The following ZNF841 variants were observed in gnomAD, a reference collection of about 807,000 sequenced individuals.
ZNF841 encodes zinc finger protein 841, also known as TCONS_00006091.
Under a neutral mutation model 13.0 loss-of-function variants are expected in ZNF841, and 11 were observed. The observed-to-expected ratio is 0.85, with a 90% CI of 0.53 to 1.40. The LOEUF (loss-of-function observed/expected upper bound fraction) is 1.40, where lower values mean the gene tolerates loss of function less well. Ranked by LOEUF, ZNF841 falls within the 40% of genes most tolerant of loss-of-function variation. ZNF841 has a pLI of 0.00. For missense variants in ZNF841, 1,068 were observed against 1,139.5 expected, an observed-to-expected ratio of 0.94 and a Z score of 0.90; for synonymous variants, 369 against 381.6, an observed-to-expected ratio of 0.97 and a Z score of 0.38.
chr19:52,082,868 C>A (rs2088143961), intron 4 of ZNF841, among the ~76,000 whole-genome samples: 1 of 152,088 alleles, frequency 6.6e-6, no homozygotes, highest in African/African-American at 2.4e-5. Flanking sequence ...ATCACTAGGT[C>A]AGGAGATCGA....
intron 2 of ZNF841, among the ~76,000 whole-genome samples, chr19:52,091,879 G>A (rs980141319): frequency 6.6e-6 from 1 of 152,196 alleles, no homozygotes; most frequent in African/African-American, 2.4e-5. Context: ...GCCAGGCGCA[G>A]TGGCTCATGC....
At chr19:52,059,273 C>T in the ZNF841 span, among the ~76,000 whole-genome samples, 2 of 146,260 alleles carry the variant, frequency 1.4e-5, no homozygotes, top group African/African-American at 5.1e-5. Context: ...TGGCAAGAAC[C>T]CGAGAGGTGG....
chr19:52,059,370 A>AAAAAAT, the ZNF841 span, among the ~76,000 whole-genome samples: 8 of 69,638 alleles, frequency 1.1e-4, no homozygotes, highest in African/African-American at 6.6e-4. Context: ...AAAAAAAAAA[A>AAAAAAT]ATATATATAT....
In ZNF841 at chr19:52,066,487, G is replaced by GC; in HGVS notation, c.1394_1395insG (p.Phe466LeufsTer23). Reference sequence around the variant, plus strand: ...CTGCAAGACGTGAACGTTGAAAGAAGACCTTGCCACATTCATTACATTTGT... The same window carrying GC: ...CTGCAAGACGTGAACGTTGAAAGAAGCACCTTGCCACATTCATTACATTTGT... On this transcript the variant is annotated frameshift_variant, in exon 7 of 7. Transcript: ENST00000594440. LOFTEE classifies it low-confidence loss of function (END_TRUNC). 6.2e-7 allele frequency: 1 copy of GC among 1,614,018 alleles called. No homozygotes were observed. The highest frequency in any genetic ancestry group is 8.5e-7 in the Non-Finnish European group (1 of 1,179,960).
chr19:52,093,726 T>C (rs1289344258), intron 2 of ZNF841, 120 bp downstream of exon 2: 3 of 152,144 alleles, frequency 2.0e-5, no homozygotes, highest in Non-Finnish European at 2.9e-5. Flanking sequence ...AAAGAAGCAA[T>C]TGAATAAAAT....
chr19:52,067,390 A>G lies in ZNF841; in HGVS notation c.492T>C (p.Thr164=), dbSNP rs1259784895. 1.3e-6 allele frequency: 2 copies of G among 1,546,280 alleles called. No homozygotes were observed. The highest frequency in any genetic ancestry group is 1.2e-5 in the South Asian group (1 of 82,682). Residue 164 remains threonine, a synonymous_variant, in exon 7 of 7, where the codon ACT becomes ACC. Transcript: ENST00000594440. ...CTTGACTATGTCGAACTCTTTGACC[A>G]GTAAGATTGTTTTTATGGGTCATCG... ...EGPMTHKNNL[T]GQRVRHSQGD... is the part of the protein sequence containing the mutation.
Position 52,093,594 on chromosome 19 carries a change from A to G in ZNF841, c.-144+252T>C, listed in dbSNP as rs1157383890. 2.0e-5 allele frequency among the ~76,000 whole-genome samples: 3 copies of G among 152,210 alleles called. No individual in the cohort carries two copies. The East Asian group carries it at 5.8e-4, about 29-fold the overall frequency. On this transcript the variant is annotated intron_variant, in intron 2 of 6. Coordinates refer to ENST00000594440, the MANE Select transcript of ZNF841 (RefSeq NM_001136499.2). Reference sequence around the variant, plus strand: ...CTTTAACAGTTTGGAAAGTTTTTGAAAAATCTAATAAATTATGGGGTAAAA... The same window carrying G: ...CTTTAACAGTTTGGAAAGTTTTTGAGAAATCTAATAAATTATGGGGTAAAA...
At chr19:52,077,536 GATT>G (rs1308131426) in intron 4 of ZNF841, among the ~76,000 whole-genome samples, 2 of 152,156 alleles carry the variant, frequency 1.3e-5, no homozygotes, top group African/African-American at 2.4e-5. Flanking sequence ...TACTTCAAAG[GATT>G]TACGTGTTCT....
downstream of ZNF841, among the ~76,000 whole-genome samples, chr19:52,060,897 C>T (rs866363134): frequency 1.3e-5 from 2 of 152,076 alleles, no homozygotes; most frequent in African/African-American, 2.4e-5. Context: ...TCAGAGGGTC[C>T]GGGCATGTGG....
At chr19:52,087,484 G>A (rs575989833) in intron 3 of ZNF841, among the ~76,000 whole-genome samples, 117 of 152,084 alleles carry the variant, frequency 7.7e-4, no homozygotes, top group African/African-American at 2.7e-3. Flanking sequence ...TTCTGTTCCC[G>A]TGTTAGTTTG....
intron 1 of ZNF841, among the ~76,000 whole-genome samples, chr19:52,095,351 C>A (rs1302937949): frequency 6.6e-6 from 1 of 152,082 alleles, no homozygotes; most frequent in Non-Finnish European, 1.5e-5. Flanking sequence ...GGACAGTGGG[C>A]GCTCCCCTCC....
intron 2 of ZNF841, among the ~76,000 whole-genome samples, chr19:52,089,711 A>C (rs1325477051): frequency 1.3e-5 from 2 of 152,190 alleles, no homozygotes; most frequent in Non-Finnish European, 2.9e-5. Context: ...TGCTTCTGCC[A>C]GACCTAAGAA....
intron 3 of ZNF841, among the ~76,000 whole-genome samples, chr19:52,087,561 G>T (rs754335509): frequency 1.6e-4 from 25 of 152,058 alleles, no homozygotes; most frequent in Non-Finnish European, 2.6e-4. Context: ...GTTTTTTATG[G>T]GAAGGCTGTT....
intron 3 of ZNF841, among the ~76,000 whole-genome samples, chr19:52,086,634 G>A (rs1301426912): frequency 3.3e-5 from 5 of 152,254 alleles, no homozygotes; most frequent in East Asian, 1.9e-4. Flanking sequence ...GAAAGACAGT[G>A]GGTGTGGACA....
intron 4 of ZNF841, among the ~76,000 whole-genome samples, chr19:52,080,671 C>G (rs921715791): frequency 1.3e-5 from 2 of 152,166 alleles, no homozygotes; most frequent in African/African-American, 4.8e-5. Context: ...AAGTGCATAT[C>G]TAGTACTACA....
chr19:52,085,206 T>C (rs561928583), intron 3 of ZNF841, among the ~76,000 whole-genome samples: 1 of 152,114 alleles, frequency 6.6e-6, no homozygotes, highest in South Asian at 2.1e-4. Context: ...CAGGCTGAGC[T>C]CAGCTCTCAG....
chr19:52,086,417 G>T (rs572366233), intron 3 of ZNF841, among the ~76,000 whole-genome samples: 1 of 152,256 alleles, frequency 6.6e-6, no homozygotes, highest in East Asian at 1.9e-4. Flanking sequence ...CATGTGAGAC[G>T]CCTGTTCCTC....
rs1299089359 is a variant in ZNF841 at position 52,065,680 on chromosome 19, C to T, written c.2202G>A (p.Glu734=). The T allele has an allele frequency of 3.1e-6, 5 of 1,603,378 alleles. No homozygotes were observed. Residue 734 remains glutamate (E), a synonymous_variant, in exon 7 of 7, where the codon GAG becomes GAA. Transcript: ENST00000594440. ...LVYHQRRHTG[E]MPYKCIECGK... ...CACATTCAATACATTTGTATGGCAT[C>T]TCTCCAGTATGTCTTCTCTGATGGT...
chr19:52,074,524 T>A (rs995749574), intron 6 of ZNF841, among the ~76,000 whole-genome samples: 1 of 147,968 alleles, frequency 6.8e-6, no homozygotes, highest in African/African-American at 2.5e-5. Flanking sequence ...CCGGGAGAAA[T>A]TTTTTTTTTT....
Sources: gnomAD v4.1 joint callset for allele counts (sites outside exome capture counted in the v4.1 genomes callset) on GRCh38, gnomAD v4.1.1 for gene constraint, MANE v1.5 for transcripts, NCBI Gene and HGNC (gene_info 2026-07-23, HGNC 2026-07-21) for gene names.